MYOCD: variants seen among roughly 807,000 people sequenced by gnomAD.
The protein encoded by MYOCD is myocardin.
MYOCD carries 32 observed loss-of-function variants against 96.1 expected under a neutral mutation model. The observed-to-expected ratio is 0.33, with a 90% CI of 0.25 to 0.45. The LOEUF (loss-of-function observed/expected upper bound fraction) is 0.45. Ranked by LOEUF, MYOCD falls within the 20% of genes least tolerant of loss-of-function variation. MYOCD has a pLI of 1.00. For synonymous variants in MYOCD, 469 were observed against 469.0 expected, an observed-to-expected ratio of 1.00 and a Z score of 0.00; for missense variants, 1,133 against 1,200.6, an observed-to-expected ratio of 0.94 and a Z score of 0.83.
rs75869794 is a variant in MYOCD at position 12,743,375 on chromosome 17, C to A, written c.718-808C>A. 6.0e-3 allele frequency among the ~76,000 whole-genome samples: 909 copies of A among 152,112 alleles called. 17 individuals are homozygous for A. Among genetic ancestry groups the A allele is most frequent in the East Asian group, 0.031 (163 of 5,180 alleles). ...CTTTCAGCTCAAAGCAACAAATAAC[C>A]ACATTCTAGATTTTCAAAGAAAATC... On this transcript the variant is annotated intron_variant, in intron 7 of 13. Transcript: ENST00000425538.
chr17:12,735,252 C>T (rs2032307673), intron 5 of MYOCD, among the ~76,000 whole-genome samples: 1 of 152,170 alleles, frequency 6.6e-6, no homozygotes, highest in Admixed American at 6.5e-5. Context: ...CAGAGCAGTC[C>T]CTGGACTCGG....
At chr17:12,737,124 G>A (rs1452878717) in intron 6 of MYOCD, among the ~76,000 whole-genome samples, 2 of 151,942 alleles carry the variant, frequency 1.3e-5, no homozygotes, top group African/African-American at 4.8e-5. Context: ...GCATGGTGGT[G>A]CGCGCCTGTA....
rs962719972 is a variant in MYOCD, at chr17:12,676,626, T to G, written c.55+10383T>G. Among the ~76,000 whole-genome samples, 3 of 152,218 alleles carry G rather than the reference T, an allele frequency of 2.0e-5. No homozygotes were observed. In the East Asian group the frequency reaches 5.8e-4, roughly 29 times the overall value. On this transcript the variant is annotated intron_variant, in intron 1 of 13. Transcript: ENST00000425538. ...CATAGCAGCTAAATCAGGAGTTGGCTGAGGCCATGGGAGGTTTAAGTTGTT... is the reference window on the plus strand; with the variant it reads ...CATAGCAGCTAAATCAGGAGTTGGCGGAGGCCATGGGAGGTTTAAGTTGTT...
chr17:12,756,603 T>G (rs1197161769), intron 11 of MYOCD, 46 bp downstream of exon 11: 1 of 1,519,666 alleles, frequency 6.6e-7, no homozygotes, highest in Non-Finnish European at 8.9e-7. Flanking sequence ...ACTTTGCCTC[T>G]TCTCTCTTCT....
chr17:12,694,097 G>A (rs2030620437), intron 1 of MYOCD, among the ~76,000 whole-genome samples: 1 of 152,176 alleles, frequency 6.6e-6, no homozygotes, highest in Admixed American at 6.5e-5. Context: ...GTAGAACTGG[G>A]AGTGGAAAGA....
chr17:12,698,639 C>CA (rs1390117065), intron 1 of MYOCD, among the ~76,000 whole-genome samples: 1 of 149,620 alleles, frequency 6.7e-6, no homozygotes, highest in Admixed American at 6.6e-5. Context: ...ACAATTAAAC[C>CA]AAAAAAAGAA....
intron 7 of MYOCD, among the ~76,000 whole-genome samples, chr17:12,742,381 A>T (rs575475961): frequency 2.8e-4 from 42 of 152,114 alleles, no homozygotes; most frequent in African/African-American, 9.6e-4. Flanking sequence ...TCACATTCAG[A>T]TGTGTAGTTT....
chr17:12,683,841 T>G (rs957429761), intron 1 of MYOCD, among the ~76,000 whole-genome samples: 1 of 152,206 alleles, frequency 6.6e-6, no homozygotes, highest in Admixed American at 6.5e-5. Flanking sequence ...GGATCCCTCA[T>G]GTCTAAGACA....
At chr17:12,706,871 T>G (rs1362012899) in intron 2 of MYOCD, among the ~76,000 whole-genome samples, 1 of 152,180 alleles carries the variant, frequency 6.6e-6, no homozygotes, top group Non-Finnish European at 1.5e-5. Context: ...ATGGCATCAT[T>G]AAGATAATTT....
chr17:12,667,401 A>C (rs1909433998), intron 1 of MYOCD, among the ~76,000 whole-genome samples: 1 of 152,164 alleles, frequency 6.6e-6, no homozygotes, highest in Admixed American at 6.5e-5. Context: ...ACTGCCCCTG[A>C]AGCTCTGGGA....
At chr17:12,735,984 C>T (rs950691727) in intron 5 of MYOCD, among the ~76,000 whole-genome samples, 177 bp from the exon 6 acceptor site, 17 of 152,246 alleles carry the variant, frequency 1.1e-4, no homozygotes, top group African/African-American at 4.1e-4. Context: ...CCATGCCAAA[C>T]AAACCGCTTT....
At chr17:12,703,500 A>G (rs1255070359) in intron 1 of MYOCD, among the ~76,000 whole-genome samples, 2 of 152,020 alleles carry the variant, frequency 1.3e-5, no homozygotes, top group Non-Finnish European at 2.9e-5. Context: ...ATATCCATTT[A>G]TAATTGCTAT....
rs537057813 is a variant in MYOCD, at chr17:12,685,470, G to A, written c.55+19227G>A. Reference sequence around the variant, plus strand: ...AAATACAGAAGATTAGCCGGGTGTGGTGGTGCATGCCTGTAGTCCCAGCTA... The same window carrying A: ...AAATACAGAAGATTAGCCGGGTGTGATGGTGCATGCCTGTAGTCCCAGCTA... On this transcript the variant is annotated intron_variant, in intron 1 of 13. Transcript: ENST00000425538. 1.5e-4 allele frequency among the ~76,000 whole-genome samples: 23 copies of A among 152,214 alleles called. 1 individual carries two copies. Among genetic ancestry groups the A allele is most frequent in the South Asian group, 1.0e-3 (5 of 4,828 alleles).
intron 2 of MYOCD, among the ~76,000 whole-genome samples, chr17:12,708,655 T>C (rs1282926688): frequency 6.6e-6 from 1 of 152,152 alleles, no homozygotes; most frequent in East Asian, 1.9e-4. Context: ...GTTCCCAAAG[T>C]GCTGGGATTA....
At chr17:12,710,722 C>T (rs1471075976) in intron 2 of MYOCD, among the ~76,000 whole-genome samples, 1 of 152,134 alleles carries the variant, frequency 6.6e-6, no homozygotes, top group South Asian at 2.1e-4. Flanking sequence ...CACACACTGT[C>T]GGCTGTCTGA....
chr17:12,759,237 A>C (rs995120361), intron 12 of MYOCD, among the ~76,000 whole-genome samples: 4 of 152,246 alleles, frequency 2.6e-5, no homozygotes, highest in African/African-American at 9.6e-5. Context: ...TGGCTTAAAG[A>C]ATGTTTTAAA....
chr17:12,708,932 C>G (rs1397168921), intron 2 of MYOCD, among the ~76,000 whole-genome samples: 1 of 151,886 alleles, frequency 6.6e-6, no homozygotes, highest in Admixed American at 6.6e-5. Context: ...ATTTTATGGC[C>G]AAAAAATTCA....
At chr17:12,738,573 T>C (rs544609082) in intron 6 of MYOCD, among the ~76,000 whole-genome samples, 57 of 151,964 alleles carry the variant, frequency 3.8e-4, no homozygotes, top group African/African-American at 1.2e-3. Flanking sequence ...CACACACACA[T>C]ATATACACAC....
chr17:12,697,357 ATATTTTTTTTT>A (rs1423640166), intron 1 of MYOCD, among the ~76,000 whole-genome samples: 15 of 86,994 alleles, frequency 1.7e-4, no homozygotes, highest in African/African-American at 8.3e-4. Context: ...ATATATATAT[ATATTTTTTTTT>A]TTTTTTTTTT....
Sources: gnomAD v4.1 joint callset for allele counts (sites outside exome capture counted in the v4.1 genomes callset) on GRCh38, gnomAD v4.1.1 for gene constraint, MANE v1.5 for transcripts, NCBI Gene and HGNC (gene_info 2026-07-23, HGNC 2026-07-21) for gene names.